Variants in TFDP1 observed in about 807,000 individuals in gnomAD.
TFDP1 encodes transcription factor Dp-1, also known as DRTF1-polypeptide 1.
Under a neutral mutation model 48.0 loss-of-function variants are expected in TFDP1, and 6 were observed. That is an observed-to-expected ratio of 0.13 (90% confidence interval 0.07 to 0.25). The LOEUF (loss-of-function observed/expected upper bound fraction) is 0.25. Among genes scored for constraint, TFDP1 ranks in the 10% least tolerant of loss-of-function variants. The pLI is 1.00. For missense variants in TFDP1, 335 were observed against 543.0 expected, an observed-to-expected ratio of 0.62 and a Z score of 3.81; for synonymous variants, 201 against 211.6, an observed-to-expected ratio of 0.95 and a Z score of 0.44.
At chr13:113,592,893 C>A (rs2048179872) in intron 2 of TFDP1, among the ~76,000 whole-genome samples, 1 of 151,468 alleles carries the variant, frequency 6.6e-6, no homozygotes, top group African/African-American at 2.4e-5. Flanking sequence ...GTCCTCAGCC[C>A]TGCCCAGGTG....
chr13:113,604,759 G>A (rs1258325030), intron 2 of TFDP1, among the ~76,000 whole-genome samples: 1 of 152,172 alleles, frequency 6.6e-6, no homozygotes, highest in Non-Finnish European at 1.5e-5. Context: ...TTTGTTCCAG[G>A]CCAACCAGGA....
intron 2 of TFDP1, among the ~76,000 whole-genome samples, chr13:113,609,903 A>C (rs1284178384): frequency 6.6e-6 from 1 of 152,202 alleles, no homozygotes; most frequent in Non-Finnish European, 1.5e-5. Flanking sequence ...CTGTGCTGCC[A>C]GCACGCCACT....
rs2047988253 is a variant in TFDP1, at chr13:113,585,755, T to C, written c.-64-19T>C. On this transcript the variant is annotated intron_variant, in intron 1 of 11. Coordinates refer to ENST00000375370, the MANE Select transcript of TFDP1 (RefSeq NM_007111.5). The stretch of plus-strand genomic sequence containing the variant: ...ACTTATTTCTTGTTTTTCCTTACTT[T>C]TTTTTTTTTTTTTACCAGAAAAATC... The C allele has an allele frequency of 1.3e-4, 128 of 974,770 alleles. No homozygotes were observed. The African/African-American group carries it at 1.8e-3, about 14-fold the overall frequency. The allele number at this position is 974,770 out of a possible 1,614,324, so 60.4% of individuals were successfully genotyped here.
At chr13:113,613,454 C>T (rs118046052) in intron 3 of TFDP1, among the ~76,000 whole-genome samples, 2 of 152,336 alleles carry the variant, frequency 1.3e-5, no homozygotes, top group Non-Finnish European at 2.9e-5. Context: ...TTCCGGTGTT[C>T]GTTCCAGAGA....
chr13:113,589,657 C>T lies in TFDP1; in HGVS notation c.12+3808C>T, dbSNP rs189836692. ...ATCTGTGGGCTCCCGTTGCAGGTAC[C>T]GGTGGTGCTCGGAACCGTCCTCAGA... On this transcript the variant is annotated intron_variant, in intron 2 of 11. Transcript: ENST00000375370. 1.0e-3 allele frequency among the ~76,000 whole-genome samples: 153 copies of T among 152,328 alleles called. 1 individual carries two copies. The highest frequency in any genetic ancestry group is 7.9e-3 in the East Asian group (41 of 5,190).
chr13:113,632,786 AAAC>A (rs1460546146), intron 5 of TFDP1, among the ~76,000 whole-genome samples: 1 of 152,056 alleles, frequency 6.6e-6, no homozygotes, highest in Non-Finnish European at 1.5e-5. Context: ...AAAAAAGAAA[AAAC>A]AACAACAAAA....
At chr13:113,621,703 G>A in intron 3 of TFDP1, among the ~76,000 whole-genome samples, 1 of 152,240 alleles carries the variant, frequency 6.6e-6, no homozygotes, top group South Asian at 2.1e-4. Flanking sequence ...GCCAGCGTCT[G>A]GGAAGATGTC....
Position 113,607,524 on chromosome 13 carries a change from G to A in TFDP1, c.13-3472G>A, listed in dbSNP as rs983256831. Among the ~76,000 whole-genome samples the A allele has an allele frequency of 3.9e-5, 6 of 152,232 alleles. No individual in the cohort carries two copies. Among genetic ancestry groups the A allele is most frequent in the African/African-American group, 9.6e-5 (4 of 41,464 alleles). On this transcript the variant is annotated intron_variant, in intron 2 of 11. Coordinates refer to ENST00000375370, the MANE Select transcript of TFDP1 (RefSeq NM_007111.5). This position sits in a 1 kb window ranked among gnomAD's most constrained non-coding sequence, Gnocchi z 5.2. ...TGTCAGCAGTGCGACACTGGCCCAC[G>A]TGTCGTCCTTGTTCTCTCCTCATTG...
intron 10 of TFDP1, 146 bp downstream of exon 10, chr13:113,636,846 A>AGG: frequency 1.0e-6 from 1 of 991,772 alleles, no homozygotes; most frequent in Non-Finnish European, 1.4e-6. Context: ...AGGGGCTGTG[A>AGG]GGGGGATGAG....
In TFDP1 at chr13:113,619,480, AC is replaced by A. The variant is rs1566661157; in HGVS notation, c.80-3699del. ...AGTGAGACTCCATCTCAAAAAAAAA[AC>A]AAAAAAAAAAAAAAAAAAAGAAGAA... On this transcript the variant is annotated intron_variant, in intron 3 of 11. Coordinates refer to ENST00000375370, the MANE Select transcript of TFDP1 (RefSeq NM_007111.5). Among the ~76,000 whole-genome samples the A allele has an allele frequency of 9.4e-5, 14 of 149,060 alleles. 1 individual carries two copies. Among genetic ancestry groups the A allele is most frequent in the Admixed American group, 4.6e-4 (7 of 15,064 alleles).
intron 3 of TFDP1, among the ~76,000 whole-genome samples, chr13:113,621,357 T>G (rs370984277): frequency 3.9e-5 from 6 of 152,034 alleles, no homozygotes; most frequent in African/African-American, 1.4e-4. Context: ...CCCCCAGCCG[T>G]GGGGTGGGGT....
intron 4 of TFDP1, among the ~76,000 whole-genome samples, chr13:113,626,792 TTA>T (rs1231469940): frequency 1.3e-5 from 2 of 152,150 alleles, no homozygotes; most frequent in Non-Finnish European, 2.9e-5. Context: ...TGCTTGATAA[TTA>T]GATTATAGGT....
rs944484501 is a variant in TFDP1 at position 113,622,304 on chromosome 13, C to T, written c.80-876C>T. Among the ~76,000 whole-genome samples the T allele has an allele frequency of 3.3e-5, 5 of 152,290 alleles. No homozygotes were observed. The East Asian group carries it at 7.7e-4, about 24-fold the overall frequency. On this transcript the variant is annotated intron_variant, in intron 3 of 11. Transcript: ENST00000375370. ...CTTTACTTCTACACTCTCTCGTCTC[C>T]GCACACGGGGAGAAACCCACCGACC... is the stretch of plus-strand genomic sequence containing the variant.
intron 2 of TFDP1, among the ~76,000 whole-genome samples, chr13:113,608,542 A>G (rs1380408763): frequency 6.6e-6 from 1 of 152,122 alleles, no homozygotes; most frequent in East Asian, 1.9e-4. Context: ...TCCCACACAG[A>G]TGCTCGAGCT....
In TFDP1 at chr13:113,627,460, G is replaced by A. The variant is rs115642102; in HGVS notation, c.187-4163G>A. On this transcript the variant is annotated intron_variant, in intron 4 of 11. Coordinates refer to ENST00000375370, the MANE Select transcript of TFDP1 (RefSeq NM_007111.5). The surrounding 1 kb of genome is among the most constrained non-coding windows in gnomAD (Gnocchi z 4.1). ...GCAGTGGCCTTTCCTTTGCAGCTGC[G>A]CCACTGGCCCTGTCTCTCTGGACAC... 6.8e-4 allele frequency among the ~76,000 whole-genome samples: 103 copies of A among 152,294 alleles called. No homozygotes were observed. The highest frequency in any genetic ancestry group is 2.3e-3 in the African/African-American group (96 of 41,572).
chr13:113,606,448 C>T (rs547757385), intron 2 of TFDP1, among the ~76,000 whole-genome samples: 2 of 152,282 alleles, frequency 1.3e-5, no homozygotes, highest in South Asian at 2.1e-4. Flanking sequence ...GTGCCCTCTC[C>T]TGGTGGAAGG....
rs549441323 is a variant in TFDP1 at position 113,598,061 on chromosome 13, A to T, written c.12+12212A>T. ...ATAAGAAAAGGGAGTGGAGCCGCCG[A>T]CATTTCAGGTGAGTTGTCATCAAGA... On this transcript the variant is annotated intron_variant, in intron 2 of 11. Coordinates refer to ENST00000375370, the MANE Select transcript of TFDP1 (RefSeq NM_007111.5). This position sits in a 1 kb window ranked among gnomAD's most constrained non-coding sequence, Gnocchi z 4.2. Among the ~76,000 whole-genome samples, 1 of 152,262 alleles carries T rather than the reference A, an allele frequency of 6.6e-6. No homozygotes were observed. The highest frequency in any genetic ancestry group is 2.4e-5 in the African/African-American group (1 of 41,552).
intron 2 of TFDP1, among the ~76,000 whole-genome samples, chr13:113,605,087 G>GT (rs1361446856): frequency 4.6e-5 from 7 of 152,000 alleles, no homozygotes; most frequent in Non-Finnish European, 1.5e-5. Context: ...CATCGTCACT[G>GT]TCTTTTTTAG....
chr13:113,604,334 A>G lies in TFDP1; in HGVS notation c.13-6662A>G, dbSNP rs571098295. On this transcript the variant is annotated intron_variant, in intron 2 of 11. Coordinates refer to ENST00000375370, the MANE Select transcript of TFDP1 (RefSeq NM_007111.5). ...TGTGGTCTAGTAGTAGCTACTGAAT[A>G]TCAACCCATAAGAATGACTTCATAT... Among the ~76,000 whole-genome samples the G allele has an allele frequency of 2.6e-4, 40 of 152,256 alleles. 1 individual carries two copies. Among genetic ancestry groups the G allele is most frequent in the Middle Eastern group, 6.8e-3 (2 of 294 alleles).
Sources: allele counts gnomAD v4.1 joint callset (sites outside exome capture counted in the v4.1 genomes callset), GRCh38; gene constraint gnomAD v4.1.1; non-coding constraint Gnocchi (gnomAD v3.1); transcripts MANE v1.5; gene names NCBI Gene and HGNC (gene_info 2026-07-23, HGNC 2026-07-21).